Variants in CNTNAP5 observed in about 807,000 individuals in gnomAD.
CNTNAP5 encodes the protein contactin associated protein family member 5, also known as contactin-associated protein-like 5.
A neutral mutation model predicts 150.2 loss-of-function variants in CNTNAP5; 72 were observed. The ratio of observed to expected loss-of-function variants is 0.48; its 90% confidence interval spans 0.40 to 0.58. CNTNAP5 has a LOEUF of 0.58. Among genes scored for constraint, CNTNAP5 ranks in the 20% least tolerant of loss-of-function variants. CNTNAP5 has a pLI of 0.00. For synonymous variants in CNTNAP5, 672 were observed against 619.8 expected (o/e 1.08, Z -1.25); for missense variants, 1,636 against 1,626.2 (o/e 1.01, Z -0.10).
chr2:124,824,346 A>T (rs1167013667), intron 19 of CNTNAP5, among the ~76,000 whole-genome samples: 2 of 152,124 alleles, frequency 1.3e-5, no homozygotes, highest in South Asian at 2.1e-4. Context: ...TTTGCTGCTT[A>T]TTCCTCTGCT....
intron 14 of CNTNAP5, among the ~76,000 whole-genome samples, chr2:124,763,164 G>A (rs535869983): frequency 4.6e-5 from 7 of 152,050 alleles, no homozygotes; most frequent in African/African-American, 1.4e-4. Context: ...AAAATGAAAA[G>A]CAACGAAGCA....
At chr2:124,887,997 T>C (rs1224952205) in intron 21 of CNTNAP5, among the ~76,000 whole-genome samples, 1 of 152,134 alleles carries the variant, frequency 6.6e-6, no homozygotes, top group African/African-American at 2.4e-5. Context: ...ACAGAGGGTA[T>C]ATGTGCAGGT....
intron 11 of CNTNAP5, among the ~76,000 whole-genome samples, chr2:124,571,194 T>G (rs1696144183): frequency 6.6e-6 from 1 of 152,164 alleles, no homozygotes; most frequent in South Asian, 2.1e-4. Context: ...GCACAGTATT[T>G]GCCTGGAAAG....
At chr2:124,580,543 C>G (rs189093331) in intron 11 of CNTNAP5, among the ~76,000 whole-genome samples, 273 of 152,312 alleles carry the variant, frequency 1.8e-3, no homozygotes, top group Non-Finnish European at 3.1e-3. Context: ...GCAAAATTCA[C>G]GAATCGTTCT....
chr2:124,308,241 TTAGTTGTG>T (rs1688739224), intron 3 of CNTNAP5, among the ~76,000 whole-genome samples: 1 of 152,270 alleles, frequency 6.6e-6, no homozygotes, highest in East Asian at 1.9e-4. Flanking sequence ...TAGACCAAGG[TTAGTTGTG>T]ACCTCACATA....
At chr2:124,845,062 C>T (rs767232581) in intron 19 of CNTNAP5, among the ~76,000 whole-genome samples, 1 of 152,022 alleles carries the variant, frequency 6.6e-6, no homozygotes, top group Admixed American at 6.6e-5. Flanking sequence ...TTCCAGTTCT[C>T]AGGGGGAATA....
At chr2:124,597,608 G>A (rs1696859589) in intron 11 of CNTNAP5, among the ~76,000 whole-genome samples, 1 of 150,198 alleles carries the variant, frequency 6.7e-6, no homozygotes, top group Non-Finnish European at 1.5e-5. Flanking sequence ...TGGTGAATCT[G>A]ACAATTATGT....
chr2:124,515,387 C>T (rs1346529250), intron 8 of CNTNAP5, among the ~76,000 whole-genome samples: 2 of 152,164 alleles, frequency 1.3e-5, no homozygotes, highest in Admixed American at 1.3e-4. Context: ...ATTAATACCA[C>T]AAGGCAGTAA....
intron 1 of CNTNAP5, among the ~76,000 whole-genome samples, chr2:124,206,868 A>G (rs899890829): frequency 3.3e-4 from 51 of 152,334 alleles, no homozygotes; most frequent in African/African-American, 1.2e-3. Context: ...TAGGAATTCC[A>G]TCAGGGTCCA....
At chr2:124,293,590 AG>A (rs1224650455) in intron 3 of CNTNAP5, among the ~76,000 whole-genome samples, 14 of 152,216 alleles carry the variant, frequency 9.2e-5, no homozygotes, top group Admixed American at 7.9e-4. Context: ...ATTTTTAAAT[AG>A]TTATAATTTT....
chr2:124,118,933 A>C (rs1683492351), intron 1 of CNTNAP5, among the ~76,000 whole-genome samples: 1 of 152,142 alleles, frequency 6.6e-6, no homozygotes, highest in Non-Finnish European at 1.5e-5. Context: ...TCATGTATAC[A>C]ATGCTGCTAG....
chr2:124,221,626 T>C, intron 1 of CNTNAP5, 79 bp from the exon 2 acceptor site: 2 of 944,822 alleles, frequency 2.1e-6, no homozygotes, highest in Non-Finnish European at 3.3e-6. Flanking sequence ...TGGTAGTTAA[T>C]TTCTCAACTT....
intron 19 of CNTNAP5, among the ~76,000 whole-genome samples, chr2:124,848,316 C>T (rs570793171): frequency 3.2e-4 from 48 of 152,236 alleles, no homozygotes; most frequent in African/African-American, 1.1e-3. Flanking sequence ...TGCATTATGT[C>T]TTCCAATATC....
At chr2:124,879,555 G>T (rs542626133) in intron 21 of CNTNAP5, among the ~76,000 whole-genome samples, 1 of 152,052 alleles carries the variant, frequency 6.6e-6, no homozygotes, top group Non-Finnish European at 1.5e-5. Flanking sequence ...CCATAGAAAG[G>T]TTGCTTCTTA....
intron 6 of CNTNAP5, among the ~76,000 whole-genome samples, chr2:124,465,152 T>A (rs1056619721): frequency 1.3e-5 from 2 of 151,760 alleles, no homozygotes; most frequent in African/African-American, 4.8e-5. Context: ...CCAAAAAAAA[T>A]AAATAAATAA....
At chr2:124,577,678 G>A (rs145709814) in intron 11 of CNTNAP5, among the ~76,000 whole-genome samples, 4 of 152,220 alleles carry the variant, frequency 2.6e-5, no homozygotes, top group African/African-American at 9.6e-5. Flanking sequence ...AAGCTAAATT[G>A]AATATAGGAA....
At chr2:124,852,750 T>C (rs1683182655) in intron 19 of CNTNAP5, among the ~76,000 whole-genome samples, 1 of 152,212 alleles carries the variant, frequency 6.6e-6, no homozygotes, top group Non-Finnish European at 1.5e-5. Flanking sequence ...ATGGACTGCC[T>C]TGCGGCATGG....
intron 13 of CNTNAP5, among the ~76,000 whole-genome samples, chr2:124,725,536 T>C (rs998484134): frequency 6.7e-6 from 1 of 149,896 alleles, no homozygotes; most frequent in Non-Finnish European, 1.5e-5. Flanking sequence ...TCTTGTTTCC[T>C]TCCTCTCTCT....
chr2:124,408,030 C>T (rs896590312), intron 3 of CNTNAP5, among the ~76,000 whole-genome samples: 10 of 152,262 alleles, frequency 6.6e-5, no homozygotes, highest in African/African-American at 2.2e-4. Flanking sequence ...GTGCGCGCAC[C>T]GTACGCCAGC....
Sources: gnomAD v4.1 joint callset for allele counts (sites outside exome capture counted in the v4.1 genomes callset) on GRCh38, gnomAD v4.1.1 for gene constraint, MANE v1.5 for transcripts, NCBI Gene and HGNC (gene_info 2026-07-23, HGNC 2026-07-21) for gene names.